Variants in TMTC1 observed in about 807,000 individuals in gnomAD.
The protein encoded by TMTC1 is protein O-mannosyl-transferase TMTC1.
TMTC1 carries 73 observed loss-of-function variants against 104.8 expected under a neutral mutation model. The ratio of observed to expected loss-of-function variants is 0.70; its 90% confidence interval spans 0.58 to 0.85. TMTC1 has a LOEUF of 0.85. TMTC1 is among the 40% of genes least tolerant of loss of function. The pLI is 0.00. For synonymous variants in TMTC1, 434 were observed against 428.7 expected, an observed-to-expected ratio of 1.01 and a Z score of -0.15; for missense variants, 1,035 against 1,096.1, an observed-to-expected ratio of 0.94 and a Z score of 0.79.
At chr12:29,711,609 A>G (rs995824375) in intron 5 of TMTC1, among the ~76,000 whole-genome samples, 3 of 152,192 alleles carry the variant, frequency 2.0e-5, no homozygotes, top group Non-Finnish European at 4.4e-5. Context: ...GTTGAAGCAG[A>G]TGTTGGAGAT....
chr12:29,635,786 T>C (rs931557966), intron 5 of TMTC1, among the ~76,000 whole-genome samples: 1 of 152,192 alleles, frequency 6.6e-6, no homozygotes, highest in African/African-American at 2.4e-5. Flanking sequence ...GGATGCAGTG[T>C]GCAAAATCCA....
At chr12:29,732,502 GA>G (rs1942569703) in intron 5 of TMTC1, among the ~76,000 whole-genome samples, 1 of 152,156 alleles carries the variant, frequency 6.6e-6, no homozygotes, top group South Asian at 2.1e-4. Flanking sequence ...ATGGTTCAGA[GA>G]TTGCCTTAAA....
intron 5 of TMTC1, among the ~76,000 whole-genome samples, chr12:29,649,285 C>A (rs1282569818): frequency 6.6e-6 from 1 of 152,118 alleles, no homozygotes; most frequent in South Asian, 2.1e-4. Flanking sequence ...GGATTTAGAT[C>A]TATGAGGGCA....
intron 5 of TMTC1, among the ~76,000 whole-genome samples, chr12:29,703,377 T>G (rs1941655666): frequency 6.6e-6 from 1 of 152,200 alleles, no homozygotes; most frequent in Admixed American, 6.5e-5. Context: ...TTGAGGTATA[T>G]GTTATTATCA....
At chr12:29,661,032 C>T (rs1939996912) in intron 5 of TMTC1, 1 of 375,798 alleles carries the variant, frequency 2.7e-6, no homozygotes, top group Non-Finnish European at 4.4e-6. Context: ...ACCTGGGTTT[C>T]CGTTCCCAGT....
intron 12 of TMTC1, chr12:29,519,347 C>T (rs781308062): frequency 6.6e-6 from 1 of 152,120 alleles, no homozygotes; most frequent in Admixed American, 6.6e-5. Context: ...CAGATATAGA[C>T]ACTAAAGTGC....
intron 5 of TMTC1, among the ~76,000 whole-genome samples, chr12:29,654,037 C>T (rs1369521624): frequency 6.6e-6 from 1 of 152,124 alleles, no homozygotes; most frequent in Non-Finnish European, 1.5e-5. Context: ...TTGAGTTAGG[C>T]AAAGCCTTCT....
At chr12:29,636,719 G>A (rs1425551035) in intron 5 of TMTC1, among the ~76,000 whole-genome samples, 1 of 151,886 alleles carries the variant, frequency 6.6e-6, no homozygotes, top group Non-Finnish European at 1.5e-5. Flanking sequence ...TTGGGAGGCT[G>A]AGGCAGGGGA....
intron 1 of TMTC1, among the ~76,000 whole-genome samples, chr12:29,780,532 G>T (rs1943810452): frequency 6.6e-6 from 1 of 152,196 alleles, no homozygotes; most frequent in African/African-American, 2.4e-5. Flanking sequence ...AGGTGTCCAT[G>T]ATTGCAATAA....
At chr12:29,653,550 C>A (rs965055458) in intron 5 of TMTC1, among the ~76,000 whole-genome samples, 3 of 152,094 alleles carry the variant, frequency 2.0e-5, no homozygotes, top group Admixed American at 6.6e-5. Context: ...TCTTTAGTTT[C>A]TAATTATATT....
chr12:29,523,830 A>T (rs1014947748), intron 11 of TMTC1, among the ~76,000 whole-genome samples: 8 of 152,056 alleles, frequency 5.3e-5, no homozygotes, highest in African/African-American at 1.9e-4. Context: ...TTTTTTAAAA[A>T]ATTTTAATTT....
At chr12:29,747,747 T>C (rs1279851911) in intron 5 of TMTC1, among the ~76,000 whole-genome samples, 5 of 152,226 alleles carry the variant, frequency 3.3e-5, no homozygotes, top group African/African-American at 1.2e-4. Context: ...CTGGCTTCCA[T>C]GTGCTGAGTG....
intron 6 of TMTC1, among the ~76,000 whole-genome samples, chr12:29,631,641 A>G (rs1295550742): frequency 1.3e-5 from 2 of 152,118 alleles, no homozygotes; most frequent in East Asian, 3.8e-4. Flanking sequence ...GTTTCTTCGT[A>G]TATCTAGTAA....
At chr12:29,703,467 T>C (rs1368632549) in intron 5 of TMTC1, among the ~76,000 whole-genome samples, 1 of 152,248 alleles carries the variant, frequency 6.6e-6, no homozygotes, top group African/African-American at 2.4e-5. Flanking sequence ...GTCAGTAGAC[T>C]CTAATACCAC....
At chr12:29,623,729 C>T (rs1357885917) in intron 6 of TMTC1, among the ~76,000 whole-genome samples, 1 of 152,144 alleles carries the variant, frequency 6.6e-6, no homozygotes, top group African/African-American at 2.4e-5. Context: ...AGGAGAATCG[C>T]TTGAACCCGG....
At chr12:29,586,962 G>A (rs983777026) in intron 7 of TMTC1, among the ~76,000 whole-genome samples, 2 of 152,098 alleles carry the variant, frequency 1.3e-5, no homozygotes, top group African/African-American at 4.8e-5. Flanking sequence ...AATGAGTTAG[G>A]GAGGATTCCC....
At position 29,506,019 on chromosome 12, in the gene TMTC1, T is replaced by A. The variant is rs955421266; in HGVS notation, c.*827A>T. ...CTTTAATTTTTTATGTAGAATATAC[T>A]ATTTTTTTCTCCACCAAAATAACAA... On this transcript the variant is annotated 3_prime_UTR_variant, in exon 18 of 18. Transcript: ENST00000539277. The A allele has an allele frequency of 6.6e-6, 1 of 152,038 alleles. No individual in the cohort carries two copies. Among genetic ancestry groups the A allele is most frequent in the Non-Finnish European group, 1.5e-5 (1 of 67,964 alleles). 9.4% of individuals were successfully genotyped at this position (152,038 alleles called of 1,614,324 possible).
Position 29,517,464 on chromosome 12 carries a change from GCTGCAGCTTC to G in TMTC1, c.2122_2131del (p.Glu708HisfsTer19). 6.2e-7 allele frequency: 1 copy of G among 1,614,140 alleles called. No individual in the cohort carries two copies. On this transcript the variant is annotated frameshift_variant, in exon 14 of 18. Coordinates refer to ENST00000539277, the MANE Select transcript of TMTC1 (RefSeq NM_001193451.2). LOFTEE classifies it high-confidence loss of function. ...GAGCTCCCTCTGAGAAGGCTGAAGTGCTGCAGCTTCCTGGTAAATCTGCAAAGCCTCTTCG... is the reference window on the plus strand; with the variant it reads ...GAGCTCCCTCTGAGAAGGCTGAAGTGCTGGTAAATCTGCAAAGCCTCTTCG...
chr12:29,516,321 A>G (rs746734834), intron 15 of TMTC1, 28 bp downstream of exon 15: 2 of 1,598,938 alleles, frequency 1.3e-6, no homozygotes, highest in South Asian at 2.2e-5. Flanking sequence ...TATGAATCCA[A>G]AGAACTCTAA....
Sources: gnomAD v4.1 joint callset for allele counts (sites outside exome capture counted in the v4.1 genomes callset) on GRCh38, gnomAD v4.1.1 for gene constraint, MANE v1.5 for transcripts, NCBI Gene and HGNC (gene_info 2026-07-23, HGNC 2026-07-21) for gene names.